PCDHGB1: variants seen among roughly 807,000 people sequenced by gnomAD.
The protein encoded by PCDHGB1 is protocadherin gamma subfamily B, 1, also known as protocadherin gamma-B1.
In PCDHGB1, 34 loss-of-function variants were observed where a neutral mutation model predicts 56.6. That is an observed-to-expected ratio of 0.60 (90% CI 0.46 to 0.80). The LOEUF (loss-of-function observed/expected upper bound fraction) is 0.80, where lower values mean the gene tolerates loss of function less well. Ranked by LOEUF, PCDHGB1 falls within the 30% of genes least tolerant of loss-of-function variation. The pLI, the probability that PCDHGB1 is intolerant of heterozygous loss-of-function variation, is 0.00. For synonymous variants in PCDHGB1, 561 were observed against 505.9 expected, an observed-to-expected ratio of 1.11 and a Z score of -1.46; for missense variants, 1,278 against 1,204.6, an observed-to-expected ratio of 1.06 and a Z score of -0.90.
At chr5:141,427,924 G>A (rs1440880400) in intron 1 of PCDHGB1, 8 of 1,580,024 alleles carry the variant, frequency 5.1e-6, no homozygotes, top group East Asian at 2.2e-5. Context: ...ATGAGCCGGC[G>A]CATGTTGGTG....
chr5:141,355,952 T>C, intron 1 of PCDHGB1: 1 of 1,613,896 alleles, frequency 6.2e-7, no homozygotes, highest in Non-Finnish European at 8.5e-7. Flanking sequence ...CACGTAAGTG[T>C]TCGTGAGAAC....
At chr5:141,456,175 A>G (rs2154565434) in intron 1 of PCDHGB1, among the ~76,000 whole-genome samples, 1 of 151,840 alleles carries the variant, frequency 6.6e-6, no homozygotes, top group East Asian at 1.9e-4. Context: ...GGGATTACAG[A>G]ATAATTTCTT....
chr5:141,413,904 G>T (rs1230344912), intron 1 of PCDHGB1: 3 of 1,613,160 alleles, frequency 1.9e-6, no homozygotes, highest in East Asian at 2.2e-5. Context: ...ATGACAACGC[G>T]CCGGTCTTCA....
chr5:141,433,354 T>TCTGC, intron 1 of PCDHGB1: 2 of 602,322 alleles, frequency 3.3e-6, no homozygotes, highest in South Asian at 2.1e-5. Context: ...CCACCTACTG[T>TCTGC]CTGCCTATCT....
chr5:141,498,865 G>A (rs2099786522), intron 2 of PCDHGB1, among the ~76,000 whole-genome samples: 1 of 151,116 alleles, frequency 6.6e-6, no homozygotes, highest in Non-Finnish European at 1.5e-5. Flanking sequence ...CCCAGGAGGC[G>A]GAGGTTGCAG....
At chr5:141,408,978 C>A (rs1444971938) in intron 1 of PCDHGB1, 1 of 1,613,862 alleles carries the variant, frequency 6.2e-7, no homozygotes, top group African/African-American at 1.3e-5. Context: ...CCCCCTGGGT[C>A]CCCTGTGTTG....
chr5:141,497,084 G>A (rs1417389801), intron 2 of PCDHGB1, among the ~76,000 whole-genome samples: 1 of 152,098 alleles, frequency 6.6e-6, no homozygotes, highest in East Asian at 1.9e-4. Context: ...AGCGACTTAG[G>A]AGGCTGAGGC....
chr5:141,461,647 C>T (rs1242234255), intron 1 of PCDHGB1, among the ~76,000 whole-genome samples: 3 of 152,006 alleles, frequency 2.0e-5, no homozygotes, highest in Non-Finnish European at 4.4e-5. Context: ...TTCTTTGACC[C>T]ATGGATTATT....
rs1439795137 is a variant in PCDHGB1 at position 141,375,822 on chromosome 5, G to A, written c.2409+23153G>A. On this transcript the variant is annotated intron_variant, in intron 1 of 3. Coordinates refer to ENST00000523390, the MANE Select transcript of PCDHGB1 (RefSeq NM_018922.3). ...TCCACTGGCGTGGAGCTGGCGCCCC[G>A]CTCCGCAGAGCCCGGCTACCTGGTG... The A allele has an allele frequency of 3.1e-6, 5 of 1,614,024 alleles. No homozygotes were observed. The Admixed American group carries it at 6.7e-5, about 22-fold the overall frequency.
Position 141,422,492 on chromosome 5 carries a change from C to T in PCDHGB1, c.2409+69823C>T, listed in dbSNP as rs747903569. 2.5e-6 allele frequency: 4 copies of T among 1,613,934 alleles called. No homozygotes were observed. The East Asian group carries it at 6.7e-5, about 27-fold the overall frequency. ...GAGTTGGTCCAGAGCTACAATATAA[C>T]GTTGACAGCCACAGACCAGGGAAGC... On this transcript the variant is annotated intron_variant, in intron 1 of 3. Coordinates refer to ENST00000523390, the MANE Select transcript of PCDHGB1 (RefSeq NM_018922.3).
At chr5:141,385,355 G>A in intron 1 of PCDHGB1, 1 of 1,548,228 alleles carries the variant, frequency 6.5e-7, no homozygotes, top group Non-Finnish European at 8.7e-7. Flanking sequence ...TTTCCATGAG[G>A]AATTTATTTG....
In PCDHGB1 at chr5:141,438,615, TATATATATATATATATATATACAC is replaced by T. The variant is rs1230398483; in HGVS notation, c.2410-56190_2410-56167del. ...ACATATATATATATATATATATATA[TATATATATATATATATATATACAC>T]ACACACACACACATATATGTATATA... is the stretch of plus-strand genomic sequence containing the variant. On this transcript the variant is annotated intron_variant, in intron 1 of 3. Transcript: ENST00000523390. Among the ~76,000 whole-genome samples the T allele has an allele frequency of 3.0e-3, 107 of 35,910 alleles. 2 individuals carry two copies. The highest frequency in any genetic ancestry group is 7.9e-3 in the African/African-American group (39 of 4,916). The allele number at this position is 35,910 out of a possible 152,430, so 23.6% of individuals were successfully genotyped here. A position where few individuals can be genotyped will look rare whatever the true frequency, so the allele number is the denominator to read the frequency against.
At position 141,489,244 on chromosome 5, in the gene PCDHGB1, G is replaced by A. The variant is rs145484133; in HGVS notation, c.2410-5563G>A. ...TCCACAAAGGGACTTCTGGGTCATG[G>A]GGCCCAAGACACTCCCACAGCTCGC... On this transcript the variant is annotated intron_variant, in intron 1 of 3. Coordinates refer to ENST00000523390, the MANE Select transcript of PCDHGB1 (RefSeq NM_018922.3). This position sits in a 1 kb window ranked among gnomAD's most constrained non-coding sequence, Gnocchi z 4.5. 5 of 1,534,936 alleles carry A rather than the reference G, an allele frequency of 3.3e-6. No individual in the cohort carries two copies. In the African/African-American group the frequency reaches 5.5e-5, roughly 17 times the overall value.
At chr5:141,395,315 G>A in intron 1 of PCDHGB1, 1 of 1,486,272 alleles carries the variant, frequency 6.7e-7, no homozygotes, top group Middle Eastern at 1.8e-4. Context: ...AAAACATTGT[G>A]AAGATAGTTG....
chr5:141,434,277 A>G (rs760937958), intron 1 of PCDHGB1, among the ~76,000 whole-genome samples: 4 of 152,172 alleles, frequency 2.6e-5, no homozygotes, highest in Non-Finnish European at 4.4e-5. Flanking sequence ...AATTAGAGGT[A>G]TTCTCTGTTT....
chr5:141,418,606 T>A (rs1279991875), intron 1 of PCDHGB1: 1 of 1,614,030 alleles, frequency 6.2e-7, no homozygotes. Context: ...TGTACAGGGT[T>A]AGCCTTCGGG....
chr5:141,430,889 A>G, intron 1 of PCDHGB1: 1 of 1,605,270 alleles, frequency 6.2e-7, no homozygotes, highest in African/African-American at 1.3e-5. Flanking sequence ...GAAAGGCTCT[A>G]GGGTGGGCGA....
At position 141,351,217 on chromosome 5, in the gene PCDHGB1, T is replaced by C; in HGVS notation, c.957T>C (p.Asp319=). 1 of 1,614,054 alleles carries C rather than the reference T, an allele frequency of 6.2e-7. No individual in the cohort carries two copies. Reference sequence around the variant, plus strand: ...ATGTGTTGAGTGTGGAAGCTAAGGATGGAGGAGTACACACAGCTCACTGTA... The same window carrying C: ...ATGTGTTGAGTGTGGAAGCTAAGGACGGAGGAGTACACACAGCTCACTGTA... ...SRYVLSVEAK[D]GGVHTAHCNV... is the part of the protein sequence containing the mutation. Residue 319 remains aspartate (D), a synonymous_variant, in exon 1 of 4, where the codon GAT becomes GAC. Coordinates refer to ENST00000523390, the MANE Select transcript of PCDHGB1 (RefSeq NM_018922.3).
chr5:141,381,233 C>T (rs978967101), intron 1 of PCDHGB1, among the ~76,000 whole-genome samples: 1 of 152,276 alleles, frequency 6.6e-6, no homozygotes, highest in African/African-American at 2.4e-5. Flanking sequence ...CCACCAACTA[C>T]TCTCCAGGAC....
Sources: gnomAD v4.1 joint callset for allele counts (sites outside exome capture counted in the v4.1 genomes callset) on GRCh38, gnomAD v4.1.1 for gene constraint, Gnocchi (gnomAD v3.1) non-coding constraint, MANE v1.5 for transcripts, NCBI Gene and HGNC (gene_info 2026-07-23, HGNC 2026-07-21) for gene names.